AFF1: variants seen among roughly 807,000 people sequenced by gnomAD.
The protein encoded by AFF1 is AF4/FMR2 family member 1.
In AFF1, 48 loss-of-function variants were observed where a neutral mutation model predicts 121.7. That is an observed-to-expected ratio of 0.39 (90% CI 0.31 to 0.50). The LOEUF (loss-of-function observed/expected upper bound fraction) is 0.50, where lower values mean the gene tolerates loss of function less well. Among genes scored for constraint, AFF1 ranks in the 20% least tolerant of loss-of-function variants. The probability of loss-of-function intolerance (pLI) is 0.76; values close to 1 mark genes in which losing one functional copy is unlikely to be tolerated. For missense variants in AFF1, 1,523 were observed against 1,511.7 expected, an observed-to-expected ratio of 1.01 and a Z score of -0.12; for synonymous variants, 613 against 563.0, an observed-to-expected ratio of 1.09 and a Z score of -1.26.
At chr4:87,014,329 T>C (rs909637302) in intron 2 of AFF1, among the ~76,000 whole-genome samples, 1 of 152,232 alleles carries the variant, frequency 6.6e-6, no homozygotes, top group African/African-American at 2.4e-5. Flanking sequence ...GCAGTTGTTT[T>C]TGTTCCCAGG....
chr4:86,954,822 AAG>A (rs1377091199), intron 2 of AFF1, among the ~76,000 whole-genome samples: 1 of 152,230 alleles, frequency 6.6e-6, no homozygotes, highest in Admixed American at 6.5e-5. Context: ...TGCTGAGTGA[AAG>A]AGGAAAGTCT....
chr4:87,004,443 TA>T (rs1011580124), intron 2 of AFF1, among the ~76,000 whole-genome samples: 1 of 152,190 alleles, frequency 6.6e-6, no homozygotes, highest in African/African-American at 2.4e-5. Flanking sequence ...AAAACTTTTA[TA>T]AAACCAATTT....
intron 2 of AFF1, among the ~76,000 whole-genome samples, chr4:87,017,051 A>G (rs940439365): frequency 1.3e-5 from 2 of 151,490 alleles, no homozygotes; most frequent in East Asian, 1.9e-4. Context: ...ATTTACATAC[A>G]AGACTTTGGA....
intron 2 of AFF1, among the ~76,000 whole-genome samples, chr4:86,975,427 T>G: frequency 6.6e-6 from 1 of 152,136 alleles, no homozygotes; most frequent in Non-Finnish European, 1.5e-5. Context: ...ATTTTTATAT[T>G]TCTTGTTGAG....
chr4:86,962,744 CTTACA>C (rs1004529703), intron 2 of AFF1, among the ~76,000 whole-genome samples: 1 of 152,128 alleles, frequency 6.6e-6, no homozygotes, highest in African/African-American at 2.4e-5. Flanking sequence ...TACTCTGGAA[CTTACA>C]TTATTAAGAG....
At chr4:87,053,465 TACAA>T (rs775548864) in intron 4 of AFF1, among the ~76,000 whole-genome samples, 1 of 152,246 alleles carries the variant, frequency 6.6e-6, no homozygotes, top group Non-Finnish European at 1.5e-5. Flanking sequence ...CATTCACATA[TACAA>T]ACATTCTTTC....
Position 87,114,395 on chromosome 4 carries a change from A to G in AFF1, c.1562A>G (p.Gln521Arg), listed in dbSNP as rs1174761988. The G allele has an allele frequency of 6.2e-7, 1 of 1,602,688 alleles. No individual in the cohort carries two copies. Among genetic ancestry groups the G allele is most frequent in the Non-Finnish European group, 8.5e-7 (1 of 1,177,490 alleles). The change falls in exon 12 of 21, where the codon CAG becomes CGG. Residue 521 changes from glutamine (Q) to arginine (R), a missense_variant. This residue lies in a region of AFF1 where 905 missense variants were observed against 842.5 expected (regional missense o/e 1.07). Transcript: ENST00000395146. ...GAGCCTCCAACAACAAACAAATGGC[A>G]GCTGGACAACTGGCTGACCAAAGTC... ...EPEPPTTNKW[Q>R]LDNWLTKVSQ...
chr4:87,074,908 T>C (rs1560600861), intron 4 of AFF1, among the ~76,000 whole-genome samples: 3 of 152,248 alleles, frequency 2.0e-5, no homozygotes, highest in Non-Finnish European at 2.9e-5. Flanking sequence ...TTTTCATTTT[T>C]ATTTAAGCCG....
chr4:87,112,515 T>C (rs1726639454), intron 11 of AFF1, among the ~76,000 whole-genome samples: 1 of 152,248 alleles, frequency 6.6e-6, no homozygotes, highest in Admixed American at 6.5e-5. Context: ...CTTAGTTCTG[T>C]TCTGTTAGTC....
chr4:87,133,153 T>C (rs909108206), intron 19 of AFF1, among the ~76,000 whole-genome samples: 1 of 152,236 alleles, frequency 6.6e-6, no homozygotes, highest in Non-Finnish European at 1.5e-5. Context: ...ACACCAGCAA[T>C]ACTAAGAATG....
intron 2 of AFF1, among the ~76,000 whole-genome samples, chr4:86,987,817 G>A (rs912277908): frequency 4.6e-5 from 7 of 152,012 alleles, no homozygotes; most frequent in African/African-American, 1.7e-4. Context: ...GCTGGGCATG[G>A]TGGCACACGC....
chr4:87,074,013 G>T (rs1722404157), intron 4 of AFF1, among the ~76,000 whole-genome samples: 1 of 152,066 alleles, frequency 6.6e-6, no homozygotes, highest in South Asian at 2.1e-4. Flanking sequence ...AGGACTGGAT[G>T]GGGTGGGTGC....
intron 12 of AFF1, among the ~76,000 whole-genome samples, chr4:87,120,374 C>A (rs1013357833): frequency 1.3e-5 from 2 of 152,200 alleles, no homozygotes; most frequent in Non-Finnish European, 2.9e-5. Flanking sequence ...CATTTGCTTC[C>A]TTTTGGAAGA....
chr4:86,939,577 G>C (rs1374936), intron 1 of AFF1, among the ~76,000 whole-genome samples: 141,419 of 152,256 alleles, frequency 0.93, 66,356 homozygotes, highest in Non-Finnish European at 1. Flanking sequence ...AAATTAAATA[G>C]AGGGCCTTAC....
intron 11 of AFF1, among the ~76,000 whole-genome samples, chr4:87,112,569 C>T (rs1364354459): frequency 2.6e-5 from 4 of 152,194 alleles, no homozygotes; most frequent in Admixed American, 6.5e-5. Flanking sequence ...ATTACCTAAC[C>T]TTTTCCTGGC....
chr4:87,080,987 A>G (rs1026003093), intron 4 of AFF1, among the ~76,000 whole-genome samples: 5 of 152,126 alleles, frequency 3.3e-5, no homozygotes, highest in Non-Finnish European at 5.9e-5. Flanking sequence ...ATTTAGGGAT[A>G]AAGGGACATT....
At chr4:87,127,147 T>C (rs765904386) in intron 15 of AFF1, 30 bp downstream of exon 15, 1 of 1,505,092 alleles carries the variant, frequency 6.6e-7, no homozygotes, top group South Asian at 1.1e-5. Context: ...CTTCTTGCTC[T>C]GTTTTGTTTT....
At chr4:87,127,529 C>A in intron 15 of AFF1, 114 bp from the exon 16 acceptor site, 1 of 906,178 alleles carries the variant, frequency 1.1e-6, no homozygotes, top group Non-Finnish European at 1.8e-6. Flanking sequence ...TCTTTGTTTA[C>A]CCTCTCTCCT....
chr4:87,112,065 T>G (rs893084256), intron 11 of AFF1, among the ~76,000 whole-genome samples: 1 of 152,166 alleles, frequency 6.6e-6, no homozygotes, highest in African/African-American at 2.4e-5. Context: ...GTGGGTAAGA[T>G]ATGTCCATAC....
Sources: allele counts gnomAD v4.1 joint callset (sites outside exome capture counted in the v4.1 genomes callset), GRCh38; gene constraint gnomAD v4.1.1; regional missense constraint gnomAD v4.1.1; transcripts MANE v1.5; gene names NCBI Gene and HGNC (gene_info 2026-07-23, HGNC 2026-07-21).